ILDR1: variants seen among roughly 807,000 people sequenced by gnomAD.
ILDR1 encodes immunoglobulin like domain containing receptor 1.
In ILDR1, 56 loss-of-function variants were observed where a neutral mutation model predicts 62.4. The ratio of observed to expected loss-of-function variants is 0.90; its 90% CI spans 0.72 to 1.12. The LOEUF (loss-of-function observed/expected upper bound fraction) is 1.12. Ranked by LOEUF, ILDR1 falls within the 50% of genes most tolerant of loss-of-function variation. The pLI is 0.00. For missense variants in ILDR1, 736 were observed against 710.6 expected (o/e 1.04, Z -0.41); for synonymous variants, 284 against 277.8 (o/e 1.02, Z -0.22).
the ILDR1 span, among the ~76,000 whole-genome samples, chr3:122,028,904 C>T: frequency 6.6e-6 from 1 of 152,146 alleles, no homozygotes; most frequent in East Asian, 1.9e-4. Context: ...GGTCTTTACT[C>T]TATAGAAACT....
rs747157285 is a variant in ILDR1 at position 122,001,469 on chromosome 3, C to A, written c.500-15G>T. 97 of 1,613,930 alleles carry A rather than the reference C, an allele frequency of 6.0e-5. No individual in the cohort carries two copies. In the South Asian group the frequency reaches 1.0e-3, roughly 17 times the overall value. On this transcript the variant is annotated splice_polypyrimidine_tract_variant and intron_variant, in intron 4 of 7. Coordinates refer to ENST00000344209, the MANE Select transcript of ILDR1 (RefSeq NM_001199799.2). ...TGTCAGCCAGTCTGCAGGGGAGAAG[C>A]CAAGCAGGGGTTGAACTAAATATTC...
rs190447736 is a variant in ILDR1 at position 122,020,999 on chromosome 3, T to C, written c.58+1021A>G. Among the ~76,000 whole-genome samples, 154 of 152,336 alleles carry C rather than the reference T, an allele frequency of 1.0e-3. 2 individuals carry two copies. Among genetic ancestry groups the C allele is most frequent in the Non-Finnish European group, 1.5e-3 (104 of 68,034 alleles). ...ATAAGATTTGATTATACCTGAGAAA[T>C]TCGTTATGTCTTATGGAGCTTGTAG... is the stretch of plus-strand genomic sequence containing the variant. On this transcript the variant is annotated intron_variant, in intron 1 of 7. Transcript: ENST00000344209.
intron 7 of ILDR1, among the ~76,000 whole-genome samples, chr3:121,989,551 A>T (rs529803114): frequency 2.7e-4 from 41 of 152,362 alleles, no homozygotes; most frequent in African/African-American, 9.4e-4. Flanking sequence ...AGAATGTCTT[A>T]GGACAAGATT....
chr3:122,013,888 C>T (rs759445662), intron 1 of ILDR1, among the ~76,000 whole-genome samples: 7 of 152,038 alleles, frequency 4.6e-5, no homozygotes, highest in East Asian at 1.9e-4. Context: ...TTGTTTGACA[C>T]GGTATTGGGT....
chr3:122,030,574 C>T, the ILDR1 span, among the ~76,000 whole-genome samples: 5,027 of 151,680 alleles, frequency 0.033, 265 homozygotes, highest in African/African-American at 0.12. Context: ...AATGGTTTCC[C>T]TTTCATTATC....
Position 121,994,333 on chromosome 3 carries a change from A to G in ILDR1, c.647-20T>C. 1 of 1,527,178 alleles carries G rather than the reference A, an allele frequency of 6.5e-7. No homozygotes were observed. The highest frequency in any genetic ancestry group is 8.8e-7 in the Non-Finnish European group (1 of 1,140,576). The allele number at this position is 1,527,178 out of a possible 1,614,324, so 94.6% of individuals were successfully genotyped here. A position where few individuals can be genotyped will look rare whatever the true frequency, so the allele number is the denominator to read the frequency against. On this transcript the variant is annotated intron_variant, in intron 5 of 7. Coordinates refer to ENST00000344209, the MANE Select transcript of ILDR1 (RefSeq NM_001199799.2). ...CCAGGGCTGCAGGGAAAGAAGGAGA[A>G]ATGCAGGCCCTCAGCCAGGGCAAGC... is the stretch of plus-strand genomic sequence containing the variant.
At chr3:122,051,828 G>A in the ILDR1 span, among the ~76,000 whole-genome samples, 2 of 152,104 alleles carry the variant, frequency 1.3e-5, no homozygotes, top group African/African-American at 4.8e-5. Context: ...TAAAGATTCT[G>A]GGGACCTCTC....
chr3:121,991,562 G>A (rs1219160258), intron 7 of ILDR1, among the ~76,000 whole-genome samples: 3 of 152,202 alleles, frequency 2.0e-5, no homozygotes, highest in Non-Finnish European at 4.4e-5. Context: ...GTTGTTGTGA[G>A]GATTAAGTAA....
At chr3:122,015,179 C>A (rs2071760110) in intron 1 of ILDR1, among the ~76,000 whole-genome samples, 1 of 152,208 alleles carries the variant, frequency 6.6e-6, no homozygotes, top group South Asian at 2.1e-4. Context: ...AAATCTTACT[C>A]CTGTACAATA....
the ILDR1 span, among the ~76,000 whole-genome samples, chr3:122,035,319 G>A: frequency 6.6e-6 from 1 of 152,126 alleles, no homozygotes; most frequent in African/African-American, 2.4e-5. Flanking sequence ...CTAGAGGAGG[G>A]CTTGTAACAC....
At chr3:122,059,707 AATTCAT>A in the ILDR1 span, among the ~76,000 whole-genome samples, 1 of 152,148 alleles carries the variant, frequency 6.6e-6, no homozygotes, top group Non-Finnish European at 1.5e-5. Flanking sequence ...GCTCCCTTAA[AATTCAT>A]ATGTTGAAAT....
rs763591406 is a variant in ILDR1, at chr3:122,005,391, A to C, written c.232T>G (p.Tyr78Asp). Residue 78 changes from tyrosine to aspartate, a missense_variant and splice_region_variant, in exon 3 of 8, where the codon TAC becomes GAC. Tyr to Asp is a radical substitution (Grantham distance 160). Coordinates refer to ENST00000344209, the MANE Select transcript of ILDR1 (RefSeq NM_001199799.2). ...TGGCCCAGGGATAAAGCTGCCTGGT[A>C]TGCTGAGGAGAGAGGGCACACTAGA... is the stretch of plus-strand genomic sequence containing the variant. ...DPIFDYYSASYQAALSLGQDP... is the reference protein window; with the variant it reads ...DPIFDYYSASDQAALSLGQDP... 4 of 1,614,078 alleles carry C rather than the reference A, an allele frequency of 2.5e-6. No individual in the cohort carries two copies. In the African/African-American group the frequency reaches 5.3e-5, roughly 22 times the overall value.
At chr3:122,023,316 T>C (rs1192891495), upstream of ILDR1, among the ~76,000 whole-genome samples, 2 of 152,142 alleles carry the variant, frequency 1.3e-5, no homozygotes, top group African/African-American at 4.8e-5. Flanking sequence ...AGACTTTAGG[T>C]CTCTTTGCAC....
In ILDR1 at chr3:122,007,096, T is replaced by A. The variant is rs2071625066; in HGVS notation, c.124A>T (p.Ile42Phe). The A allele has an allele frequency of 1.2e-6, 2 of 1,614,076 alleles. No homozygotes were observed. The highest frequency in any genetic ancestry group is 1.7e-6 in the Non-Finnish European group (2 of 1,180,026). The stretch of plus-strand genomic sequence containing the variant: ...GAGGTGGTGTAGTCACATTTGAGGA[T>A]GATAGAGGCAAACAGGGTGACATAG... ...ERYVTLFASIILKCDYTTSAQ... is the reference protein window; with the variant it reads ...ERYVTLFASIFLKCDYTTSAQ... The change falls in exon 2 of 8, where the codon ATC (isoleucine) becomes TTC (phenylalanine). Residue 42 changes from isoleucine to phenylalanine, a missense_variant. Transcript: ENST00000344209.
chr3:122,047,866 C>T, the ILDR1 span, among the ~76,000 whole-genome samples: 4 of 152,234 alleles, frequency 2.6e-5, no homozygotes, highest in African/African-American at 9.6e-5. Context: ...GCAGAAATCA[C>T]CCGTCTTCTG....
chr3:122,046,381 C>T, the ILDR1 span, among the ~76,000 whole-genome samples: 1 of 150,970 alleles, frequency 6.6e-6, no homozygotes, highest in Non-Finnish European at 1.5e-5. Flanking sequence ...TTTGGTGAAT[C>T]TGACAATTAT....
chr3:122,036,414 C>T, the ILDR1 span, among the ~76,000 whole-genome samples: 2 of 151,986 alleles, frequency 1.3e-5, no homozygotes, highest in South Asian at 4.2e-4. Context: ...ACAGAGAAAC[C>T]CCATCTCTAC....
At chr3:122,053,420 G>A in the ILDR1 span, among the ~76,000 whole-genome samples, 1 of 151,450 alleles carries the variant, frequency 6.6e-6, no homozygotes, top group African/African-American at 2.4e-5. Context: ...ATACAGCAAT[G>A]GATAACTAAT....
At chr3:122,036,760 C>T in the ILDR1 span, among the ~76,000 whole-genome samples, 7 of 152,324 alleles carry the variant, frequency 4.6e-5, no homozygotes, top group Non-Finnish European at 8.8e-5. Context: ...GGGAAAATGT[C>T]TCTAGGGCAT....
Sources: gnomAD v4.1 joint callset for allele counts (sites outside exome capture counted in the v4.1 genomes callset) on GRCh38, gnomAD v4.1.1 for gene constraint, MANE v1.5 for transcripts, NCBI Gene and HGNC (gene_info 2026-07-23, HGNC 2026-07-21) for gene names.